The following DNM3 variants were observed in gnomAD, a reference collection of about 807,000 sequenced individuals.
The protein encoded by DNM3 is dynamin 3, also known as dynamin-3.
Under a neutral mutation model 101.6 loss-of-function variants are expected in DNM3, and 47 were observed. The ratio of observed to expected loss-of-function variants is 0.46; its 90% CI spans 0.37 to 0.59. The LOEUF is 0.59. DNM3 is among the 20% of genes least tolerant of loss of function. The pLI is 0.00. For synonymous variants in DNM3, 385 were observed against 387.9 expected (o/e 0.99, Z 0.09); for missense variants, 849 against 1,085.7 (o/e 0.78, Z 3.06).
At chr1:172,009,120 A>ATT in intron 4 of DNM3, among the ~76,000 whole-genome samples, 1 of 137,648 alleles carries the variant, frequency 7.3e-6, no homozygotes, top group Non-Finnish European at 1.5e-5. Context: ...TATATATCAT[A>ATT]TAATATATAT....
chr1:171,986,170 A>G (rs1332870066), intron 2 of DNM3, among the ~76,000 whole-genome samples: 2 of 152,140 alleles, frequency 1.3e-5, no homozygotes, highest in African/African-American at 4.8e-5. Context: ...CTGCACATGT[A>G]AAAATCCTCC....
At chr1:172,219,905 A>G (rs2060845618) in intron 14 of DNM3, among the ~76,000 whole-genome samples, 1 of 145,738 alleles carries the variant, frequency 6.9e-6, no homozygotes, top group African/African-American at 2.6e-5. Context: ...TACTCTCAAA[A>G]TAGAAGACCC....
intron 15 of DNM3, among the ~76,000 whole-genome samples, chr1:172,254,466 C>G (rs9633302): frequency 0.94 from 142,953 of 152,218 alleles, 67,201 homozygotes; most frequent in Non-Finnish European, 0.96. Flanking sequence ...TCAAAGTGCT[C>G]TCTACATTCA....
At chr1:172,022,692 A>C (rs1191097783) in intron 4 of DNM3, among the ~76,000 whole-genome samples, 3 of 151,826 alleles carry the variant, frequency 2.0e-5, no homozygotes, top group Non-Finnish European at 4.4e-5. Context: ...CAATTCTTTT[A>C]GCTATTGATT....
intron 14 of DNM3, among the ~76,000 whole-genome samples, chr1:172,220,813 T>G (rs2060881149): frequency 6.6e-6 from 1 of 152,182 alleles, no homozygotes; most frequent in Non-Finnish European, 1.5e-5. Flanking sequence ...GAGATTCCAT[T>G]AATTGATAAC....
At chr1:171,903,165 T>TATAA (rs775010154) in intron 1 of DNM3, among the ~76,000 whole-genome samples, 3 of 151,506 alleles carry the variant, frequency 2.0e-5, no homozygotes, top group Admixed American at 6.6e-5. Flanking sequence ...AAAAAATATA[T>TATAA]ATAAATAAAT....
At chr1:172,376,945 A>C (rs1573656674) in intron 17 of DNM3, among the ~76,000 whole-genome samples, 1 of 152,070 alleles carries the variant, frequency 6.6e-6, no homozygotes, top group Admixed American at 6.6e-5. Context: ...GCATGGTTAC[A>C]TGTTAAGAAA....
At chr1:171,874,838 A>T (rs1003926846) in intron 1 of DNM3, among the ~76,000 whole-genome samples, 1 of 150,814 alleles carries the variant, frequency 6.6e-6, no homozygotes, top group African/African-American at 2.4e-5. Context: ...TTCCCCATCT[A>T]GTAGCCCCCA....
chr1:171,965,207 C>T (rs1382425442), intron 2 of DNM3, among the ~76,000 whole-genome samples: 1 of 152,014 alleles, frequency 6.6e-6, no homozygotes, highest in Non-Finnish European at 1.5e-5. Context: ...TATAACAGCT[C>T]ATGTATTTCA....
chr1:172,006,389 C>T (rs1244020875), intron 4 of DNM3, among the ~76,000 whole-genome samples: 1 of 152,026 alleles, frequency 6.6e-6, no homozygotes, highest in Non-Finnish European at 1.5e-5. Flanking sequence ...CTTTCACAGC[C>T]TGCCTTCTTC....
chr1:172,296,545 G>A (rs983781465), intron 15 of DNM3, among the ~76,000 whole-genome samples: 4 of 152,194 alleles, frequency 2.6e-5, no homozygotes, highest in African/African-American at 9.7e-5. Context: ...GAGGCTCCCA[G>A]AAAGAGACTT....
At chr1:171,926,546 T>G (rs1258161307) in intron 2 of DNM3, among the ~76,000 whole-genome samples, 1 of 152,218 alleles carries the variant, frequency 6.6e-6, no homozygotes, top group African/African-American at 2.4e-5. Flanking sequence ...AGGTTTATTT[T>G]GGGACTCTCA....
chr1:172,200,634 G>A lies in DNM3; in HGVS notation c.1660-52939G>A, dbSNP rs745958955. Among the ~76,000 whole-genome samples the A allele has an allele frequency of 5.9e-5, 9 of 151,778 alleles. No homozygotes were observed. In the South Asian group the frequency reaches 1.7e-3, roughly 28 times the overall value. On this transcript the variant is annotated intron_variant, in intron 14 of 20. Transcript: ENST00000627582. ...TTCTTTAATTTATTTTTTTCTGATT[G>A]TCTTATTTCAGAGAACCATTCTTCA... is the stretch of plus-strand genomic sequence containing the variant.
chr1:171,861,601 A>G (rs1468557490), intron 1 of DNM3, among the ~76,000 whole-genome samples: 2 of 152,170 alleles, frequency 1.3e-5, no homozygotes, highest in African/African-American at 4.8e-5. Context: ...AAATGGATCA[A>G]AGACCTAAAT....
chr1:172,060,159 A>T (rs2051051185), intron 10 of DNM3, among the ~76,000 whole-genome samples: 2 of 144,032 alleles, frequency 1.4e-5, no homozygotes, highest in South Asian at 4.5e-4. Flanking sequence ...GGACCTCTTC[A>T]AGGAGAACTA....
chr1:172,178,589 A>T (rs1035819487), intron 14 of DNM3, among the ~76,000 whole-genome samples: 2 of 151,840 alleles, frequency 1.3e-5, no homozygotes, highest in African/African-American at 2.4e-5. Flanking sequence ...AAGATAGTGC[A>T]TGCCGTGATG....
intron 2 of DNM3, among the ~76,000 whole-genome samples, chr1:171,944,055 G>A (rs1185536853): frequency 2.0e-5 from 3 of 152,146 alleles, no homozygotes; most frequent in Non-Finnish European, 4.4e-5. Context: ...AGGCTTTGCA[G>A]GACATAGTGT....
chr1:171,985,553 C>T (rs2045188029), intron 2 of DNM3, among the ~76,000 whole-genome samples: 1 of 152,176 alleles, frequency 6.6e-6, no homozygotes, highest in Non-Finnish European at 1.5e-5. Flanking sequence ...GATATACTTC[C>T]AGCATTAGAG....
intron 17 of DNM3, among the ~76,000 whole-genome samples, chr1:172,327,324 T>G: frequency 6.6e-6 from 1 of 152,162 alleles, no homozygotes; most frequent in East Asian, 1.9e-4. Flanking sequence ...TTTGCAAAGA[T>G]AAAATTTACC....
Sources: gnomAD v4.1 joint callset for allele counts (sites outside exome capture counted in the v4.1 genomes callset) on GRCh38, gnomAD v4.1.1 for gene constraint, MANE v1.5 for transcripts, NCBI Gene and HGNC (gene_info 2026-07-23, HGNC 2026-07-21) for gene names.